C8orf34: variants seen among roughly 807,000 people sequenced by gnomAD.
C8orf34 encodes uncharacterized protein C8orf34.
C8orf34 carries 65 observed loss-of-function variants against 68.3 expected under a neutral mutation model. That is an observed-to-expected ratio of 0.95 (90% CI 0.78 to 1.17). The LOEUF is 1.17. Among genes scored for constraint, C8orf34 ranks in the 50% most tolerant of loss-of-function variants. C8orf34 has a pLI of 0.00. For synonymous variants in C8orf34, 244 were observed against 241.2 expected (o/e 1.01, Z -0.11); for missense variants, 664 against 655.4 (o/e 1.01, Z -0.14).
chr8:68,661,065 G>A (rs917080755), intron 8 of C8orf34, among the ~76,000 whole-genome samples: 2 of 152,180 alleles, frequency 1.3e-5, no homozygotes, highest in Admixed American at 6.5e-5. Flanking sequence ...CATGTGGTGC[G>A]AGGAGACAGT....
At chr8:68,740,496 T>C (rs1822250467) in intron 10 of C8orf34, among the ~76,000 whole-genome samples, 1 of 152,136 alleles carries the variant, frequency 6.6e-6, no homozygotes, top group Admixed American at 6.5e-5. Flanking sequence ...AAGCTCAATA[T>C]GACTGATCAT....
intron 1 of C8orf34, among the ~76,000 whole-genome samples, chr8:68,340,328 C>T (rs973806581): frequency 1.3e-5 from 2 of 151,912 alleles, no homozygotes; most frequent in African/African-American, 2.4e-5. Context: ...TAATGATGCA[C>T]GCAGTAACAC....
intron 7 of C8orf34, among the ~76,000 whole-genome samples, chr8:68,564,478 G>T (rs951486973): frequency 3.9e-5 from 6 of 152,164 alleles, no homozygotes; most frequent in African/African-American, 1.4e-4. Flanking sequence ...ATATAATGAA[G>T]AACTGGATAT....
At chr8:68,551,196 T>A (rs193154194) in intron 7 of C8orf34, among the ~76,000 whole-genome samples, 214 of 152,040 alleles carry the variant, frequency 1.4e-3, no homozygotes, top group African/African-American at 4.8e-3. Context: ...CTGATGTGAT[T>A]TTTTTATTTC....
chr8:68,348,990 C>T (rs751324665), intron 1 of C8orf34, among the ~76,000 whole-genome samples: 17 of 152,020 alleles, frequency 1.1e-4, no homozygotes, highest in Admixed American at 9.2e-4. Flanking sequence ...CTGGCCAGGG[C>T]TTCCAATACT....
chr8:68,423,229 G>A (rs969218358), intron 1 of C8orf34, among the ~76,000 whole-genome samples: 3 of 152,036 alleles, frequency 2.0e-5, no homozygotes, highest in East Asian at 3.9e-4. Flanking sequence ...AATTTTCTAA[G>A]CTTTTTATGT....
At chr8:68,710,442 G>A (rs951985607) in intron 9 of C8orf34, among the ~76,000 whole-genome samples, 2 of 152,044 alleles carry the variant, frequency 1.3e-5, no homozygotes, top group African/African-American at 2.4e-5. Flanking sequence ...GAGGGGGCAC[G>A]GTGGGTGTAC....
rs966824589 is a variant in C8orf34 at position 68,634,856 on chromosome 8, C to G, written c.1106-5520C>G. ...GAGGCCTCTTCTAAGACTGCAGGAGCCAATTTCACTGCCATCACCACAGTC... is the reference window on the plus strand; with the variant it reads ...GAGGCCTCTTCTAAGACTGCAGGAGGCAATTTCACTGCCATCACCACAGTC... On this transcript the variant is annotated intron_variant, in intron 7 of 13. Coordinates refer to ENST00000518698, the MANE Select transcript of C8orf34 (RefSeq NM_052958.4). 8.8e-4 allele frequency among the ~76,000 whole-genome samples: 134 copies of G among 152,208 alleles called. 1 individual carries two copies. Among genetic ancestry groups the G allele is most frequent in the Non-Finnish European group, 2.4e-4 (16 of 68,012 alleles).
At chr8:68,360,946 G>T (rs1366611321) in intron 1 of C8orf34, among the ~76,000 whole-genome samples, 1 of 151,620 alleles carries the variant, frequency 6.6e-6, no homozygotes, top group Admixed American at 6.6e-5. Context: ...ATAGAGACGG[G>T]GTTTCACCAT....
At chr8:68,772,861 T>G (rs1823393532) in intron 10 of C8orf34, among the ~76,000 whole-genome samples, 1 of 150,430 alleles carries the variant, frequency 6.6e-6, no homozygotes, top group African/African-American at 2.5e-5. Context: ...CTCTCCTTCC[T>G]TCCTTCTTTC....
intron 3 of C8orf34, among the ~76,000 whole-genome samples, chr8:68,458,113 A>T (rs971085920): frequency 6.6e-5 from 10 of 152,178 alleles, no homozygotes; most frequent in Non-Finnish European, 1.3e-4. Context: ...GTTAGGCAAG[A>T]TTTATTACAT....
rs558151395 is a variant in C8orf34, at chr8:68,400,275, T to A, written c.328-39224T>A. Among the ~76,000 whole-genome samples the A allele has an allele frequency of 8.5e-5, 13 of 152,298 alleles. No individual in the cohort carries two copies. In the South Asian group the frequency reaches 2.7e-3, roughly 32 times the overall value. Reference sequence around the variant, plus strand: ...GTGCAAAAGAGTTTTCCCTAGGCTTTCTTTTAATATTTTTATAGTTTCAGG... The same window carrying A: ...GTGCAAAAGAGTTTTCCCTAGGCTTACTTTTAATATTTTTATAGTTTCAGG... On this transcript the variant is annotated intron_variant, in intron 1 of 13. Transcript: ENST00000518698.
At chr8:68,630,976 G>A (rs1392440812) in intron 7 of C8orf34, among the ~76,000 whole-genome samples, 3 of 136,400 alleles carry the variant, frequency 2.2e-5, no homozygotes, top group African/African-American at 5.9e-5. Context: ...TTAAAAAACA[G>A]GGCCCCAGCC....
rs144553881 is a variant in C8orf34 at position 68,549,234 on chromosome 8, C to T, written c.1105+16085C>T. Among the ~76,000 whole-genome samples, 339 of 151,884 alleles carry T rather than the reference C, an allele frequency of 2.2e-3. 2 individuals carry two copies. The highest frequency in any genetic ancestry group is 6.8e-3 in the Middle Eastern group (2 of 294). The stretch of plus-strand genomic sequence containing the variant: ...TCCAGAACTGTGAGAAAATAAGTTT[C>T]TCCATTTAAGCCACCCAATCTATGG... On this transcript the variant is annotated intron_variant, in intron 7 of 13. Coordinates refer to ENST00000518698, the MANE Select transcript of C8orf34 (RefSeq NM_052958.4).
chr8:68,430,317 C>A (rs541177507), intron 1 of C8orf34, among the ~76,000 whole-genome samples: 1 of 152,286 alleles, frequency 6.6e-6, no homozygotes, highest in East Asian at 1.9e-4. Context: ...CCAGACTTCA[C>A]CCTATGTATC....
chr8:68,681,189 T>C (rs1236386899), intron 8 of C8orf34, among the ~76,000 whole-genome samples: 2 of 152,208 alleles, frequency 1.3e-5, no homozygotes, highest in Non-Finnish European at 2.9e-5. Flanking sequence ...ACACATATTT[T>C]ACAATCAATT....
chr8:68,443,557 C>A (rs536420592), intron 2 of C8orf34, among the ~76,000 whole-genome samples: 2 of 151,900 alleles, frequency 1.3e-5, no homozygotes, highest in South Asian at 4.2e-4. Flanking sequence ...AGCCACCATG[C>A]CGAGCTAACT....
At chr8:68,777,923 G>A (rs762528328) in intron 11 of C8orf34, among the ~76,000 whole-genome samples, 1 of 152,082 alleles carries the variant, frequency 6.6e-6, no homozygotes, top group Non-Finnish European at 1.5e-5. Flanking sequence ...TCTGAATTTT[G>A]CAAAACATGT....
rs531190936 is a variant in C8orf34 at position 68,340,054 on chromosome 8, G to A, written c.327+8715G>A. On this transcript the variant is annotated intron_variant, in intron 1 of 13. Coordinates refer to ENST00000518698, the MANE Select transcript of C8orf34 (RefSeq NM_052958.4). Reference sequence around the variant, plus strand: ...TGCTCAATATCATTAGGGAAATATAGCTAAACCCACTACCCATTTATTAGA... The same window carrying A: ...TGCTCAATATCATTAGGGAAATATAACTAAACCCACTACCCATTTATTAGA... Among the ~76,000 whole-genome samples, 22 of 152,152 alleles carry A rather than the reference G, an allele frequency of 1.4e-4. No individual in the cohort carries two copies. The South Asian group carries it at 4.6e-3, about 32-fold the overall frequency.
Sources: allele counts gnomAD v4.1 joint callset (sites outside exome capture counted in the v4.1 genomes callset), GRCh38; gene constraint gnomAD v4.1.1; transcripts MANE v1.5; gene names NCBI Gene and HGNC (gene_info 2026-07-23, HGNC 2026-07-21).